Variants in STAG1 observed in about 807,000 individuals in gnomAD.
STAG1 encodes the protein cohesin subunit SA-1.
A neutral mutation model predicts 170.9 loss-of-function variants in STAG1; 26 were observed. The ratio of observed to expected loss-of-function variants is 0.15; its 90% confidence interval spans 0.11 to 0.21. STAG1 has a LOEUF of 0.21. STAG1 is among the 10% of genes least tolerant of loss of function. The pLI, the probability that STAG1 is intolerant of heterozygous loss-of-function variation, is 1.00. For missense variants in STAG1, 964 were observed against 1,509.5 expected (o/e 0.64, Z 5.99); for synonymous variants, 514 against 497.7 (o/e 1.03, Z -0.44).
intron 9 of STAG1, among the ~76,000 whole-genome samples, chr3:136,481,815 G>GT: frequency 1.2e-5 from 1 of 85,328 alleles, no homozygotes; most frequent in African/African-American, 4.4e-5. Flanking sequence ...TTGGGAGAGT[G>GT]TATGTGTCGA....
rs554475207 is a variant in STAG1, at chr3:136,405,231, CTTTTTTTTT to C, written c.2197-6411_2197-6403del. On this transcript the variant is annotated intron_variant, in intron 21 of 33. Transcript: ENST00000383202. ...AATAAATAAACACATGAAAAAACCT[CTTTTTTTTT>C]TTTTTTTTTTTTTTTTTTTCAGACG... Among the ~76,000 whole-genome samples, 155 of 60,898 alleles carry C rather than the reference CTTTTTTTTT, an allele frequency of 2.5e-3. 1 individual carries two copies. The highest frequency in any genetic ancestry group is 0.024 in the East Asian group (37 of 1,544). 40.0% of individuals were successfully genotyped at this position (60,898 alleles called of 152,430 possible).
rs71157399 is a variant in STAG1, at chr3:136,692,313, CAAAAA to C, written c.-84+59877_-84+59881del. Among the ~76,000 whole-genome samples, 93 of 46,218 alleles carry C rather than the reference CAAAAA, an allele frequency of 2.0e-3. 2 individuals carry two copies. The highest frequency in any genetic ancestry group is 2.1e-3 in the Admixed American group (6 of 2,860). The allele number at this position is 46,218 out of a possible 152,430, so 30.3% of individuals were successfully genotyped here. A position where few individuals can be genotyped will look rare whatever the true frequency, so the allele number is the denominator to read the frequency against. Reference sequence around the variant, plus strand: ...TGGGTGACTAAGCAAGACTCCATCTCAAAAAAAAAAAAAAAAAAAAAAAAAAGTCA... The same window carrying C: ...TGGGTGACTAAGCAAGACTCCATCTCAAAAAAAAAAAAAAAAAAAAAGTCA... On this transcript the variant is annotated intron_variant, in intron 1 of 33. Coordinates refer to ENST00000383202, the MANE Select transcript of STAG1 (RefSeq NM_005862.3).
intron 15 of STAG1, among the ~76,000 whole-genome samples, chr3:136,440,140 T>C (rs1286950853): frequency 6.6e-6 from 1 of 152,136 alleles, no homozygotes; most frequent in Non-Finnish European, 1.5e-5. Context: ...TATATATTTA[T>C]TTTTTTCTTT....
At chr3:136,698,206 A>G (rs1942954871) in intron 1 of STAG1, among the ~76,000 whole-genome samples, 1 of 152,168 alleles carries the variant, frequency 6.6e-6, no homozygotes, top group Admixed American at 6.5e-5. Flanking sequence ...CAAAATAATC[A>G]GCAAACAGGC....
intron 1 of STAG1, among the ~76,000 whole-genome samples, chr3:136,735,040 C>T (rs536789079): frequency 6.6e-6 from 1 of 152,268 alleles, no homozygotes; most frequent in African/African-American, 2.4e-5. Context: ...ATTATTATTG[C>T]ACTCTCCAAT....
chr3:136,712,822 G>C (rs1180358475), intron 1 of STAG1, among the ~76,000 whole-genome samples: 1 of 152,238 alleles, frequency 6.6e-6, no homozygotes, highest in Non-Finnish European at 1.5e-5. Context: ...CGGGCACGGT[G>C]GCTCATGCCT....
chr3:136,479,056 CTTTCT>C (rs1259951298), intron 9 of STAG1, among the ~76,000 whole-genome samples: 12,338 of 116,942 alleles, frequency 0.11, 1,325 homozygotes, highest in African/African-American at 0.29. Context: ...CTATTATAAT[CTTTCT>C]TTTTTTTTTT....
intron 1 of STAG1, among the ~76,000 whole-genome samples, chr3:136,747,093 T>TA (rs71134408): frequency 0.03 from 1,778 of 59,108 alleles, 168 homozygotes; most frequent in African/African-American, 0.076. Context: ...TGAAACTGTC[T>TA]AAAAAAAAAA....
chr3:136,609,067 C>A (rs918005246), intron 3 of STAG1: 4 of 152,270 alleles, frequency 2.6e-5, no homozygotes, highest in African/African-American at 9.7e-5. Flanking sequence ...AGAGGAAAGT[C>A]AGCTAAACAG....
At chr3:136,700,390 A>G (rs1460376014) in intron 1 of STAG1, among the ~76,000 whole-genome samples, 1 of 151,426 alleles carries the variant, frequency 6.6e-6, no homozygotes, top group Non-Finnish European at 1.5e-5. Context: ...CATCTGTTAA[A>G]TGAACATATA....
intron 13 of STAG1, among the ~76,000 whole-genome samples, chr3:136,460,137 G>A (rs1274287055): frequency 3.9e-5 from 6 of 151,900 alleles, no homozygotes; most frequent in African/African-American, 7.2e-5. Flanking sequence ...CTAAAAAAAA[G>A]AATATCCAAA....
chr3:136,436,533 C>T (rs1333704561), intron 15 of STAG1, among the ~76,000 whole-genome samples: 4 of 152,078 alleles, frequency 2.6e-5, no homozygotes, highest in Middle Eastern at 3.2e-3. Flanking sequence ...CCACCCACGT[C>T]GGCCTCCCAA....
At chr3:136,521,118 A>G (rs1016121068) in intron 7 of STAG1, 95 bp downstream of exon 7, 1 of 1,045,230 alleles carries the variant, frequency 9.6e-7, no homozygotes, top group Non-Finnish European at 1.4e-6. Context: ...TATTCTAATT[A>G]AATTTTTAAT....
chr3:136,529,795 A>C (rs902640196), intron 6 of STAG1, among the ~76,000 whole-genome samples: 46 of 152,226 alleles, frequency 3.0e-4, no homozygotes, highest in African/African-American at 1.0e-3. Context: ...CAAACAACAA[A>C]GAAAAACAAT....
chr3:136,490,129 CT>C (rs58147541), intron 9 of STAG1, among the ~76,000 whole-genome samples: 4,989 of 152,226 alleles, frequency 0.033, 267 homozygotes, highest in African/African-American at 0.11. Context: ...CAACCTCCAC[CT>C]CCCGGGTTCA....
intron 1 of STAG1, among the ~76,000 whole-genome samples, chr3:136,739,513 A>G (rs1262000315): frequency 1.3e-5 from 2 of 149,152 alleles, no homozygotes; most frequent in Non-Finnish European, 1.5e-5. Context: ...CAAAAAAAAA[A>G]AAAAAAGAAA....
intron 22 of STAG1, among the ~76,000 whole-genome samples, chr3:136,385,488 T>C (rs1042053809): frequency 2.6e-5 from 4 of 152,186 alleles, no homozygotes; most frequent in African/African-American, 9.6e-5. Flanking sequence ...GGAATTCAGA[T>C]GGCTCGAGTA....
intron 1 of STAG1, among the ~76,000 whole-genome samples, chr3:136,642,121 C>G (rs113858325): frequency 6.7e-4 from 102 of 152,236 alleles, no homozygotes; most frequent in African/African-American, 2.4e-3. Flanking sequence ...CCCCTCCCTA[C>G]TCCTAGTCAA....
At position 136,493,674 on chromosome 3, in the gene STAG1, AC is replaced by A. The variant is rs1307033257; in HGVS notation, c.902+6548del. On this transcript the variant is annotated intron_variant, in intron 9 of 33. Coordinates refer to ENST00000383202, the MANE Select transcript of STAG1 (RefSeq NM_005862.3). Reference sequence around the variant, plus strand: ...TGTCTCCGAAAAAAAAAAAAAAAAAACAACACAAATAATAAATATGGAAACA... The same window carrying A: ...TGTCTCCGAAAAAAAAAAAAAAAAAAAACACAAATAATAAATATGGAAACA... Among the ~76,000 whole-genome samples, 833 of 149,194 alleles carry A rather than the reference AC, an allele frequency of 5.6e-3. 10 individuals are homozygous for A. Among genetic ancestry groups the A allele is most frequent in the African/African-American group, 0.018 (733 of 40,226 alleles).
Sources: gnomAD v4.1 joint callset for allele counts (sites outside exome capture counted in the v4.1 genomes callset) on GRCh38, gnomAD v4.1.1 for gene constraint, MANE v1.5 for transcripts, NCBI Gene and HGNC (gene_info 2026-07-23, HGNC 2026-07-21) for gene names.